Variants in RNF144A observed in about 807,000 individuals in gnomAD.
RNF144A encodes the protein ring finger protein 144A.
In RNF144A, 11 loss-of-function variants were observed where a neutral mutation model predicts 38.7. The observed-to-expected ratio is 0.28, with a 90% CI of 0.18 to 0.47. RNF144A has a LOEUF of 0.47. Among genes scored for constraint, RNF144A ranks in the 20% least tolerant of loss-of-function variants. The pLI is 0.99. For synonymous variants in RNF144A, 149 were observed against 143.9 expected (o/e 1.04, Z -0.25); for missense variants, 316 against 377.2 (o/e 0.84, Z 1.34).
intron 2 of RNF144A, among the ~76,000 whole-genome samples, chr2:6,955,307 T>C (rs1666932621): frequency 6.6e-6 from 1 of 152,142 alleles, no homozygotes; most frequent in African/African-American, 2.4e-5. Context: ...CGGCTTAGGC[T>C]CAGATGGGAA....
At chr2:7,068,349 A>C, downstream of RNF144A, 1 of 813,232 alleles carries the variant, frequency 1.2e-6, no homozygotes. Flanking sequence ...TGGCACCGTG[A>C]AACTTTATAG....
At chr2:7,060,319 G>T (rs6712224) in intron 6 of RNF144A, among the ~76,000 whole-genome samples, 1 of 150,912 alleles carries the variant, frequency 6.6e-6, no homozygotes, top group Non-Finnish European at 1.5e-5. Context: ...GGCATTCTGC[G>T]TTCCCAGAAA....
intron 7 of RNF144A, among the ~76,000 whole-genome samples, chr2:7,028,422 C>T (rs1672066834): frequency 6.6e-6 from 1 of 152,194 alleles, no homozygotes; most frequent in Admixed American, 6.5e-5. Context: ...TGGGCCCTGC[C>T]TCAGACCTCG....
intron 2 of RNF144A, among the ~76,000 whole-genome samples, chr2:6,979,859 C>A (rs1049054123): frequency 6.6e-6 from 1 of 152,162 alleles, no homozygotes; most frequent in Non-Finnish European, 1.5e-5. Flanking sequence ...TGTAATGATA[C>A]TACCTGAGAC....
At position 7,040,041 on chromosome 2, in the gene RNF144A, T is replaced by G; in HGVS notation, c.*281T>G. The G allele has an allele frequency of 8.7e-7, 1 of 1,151,290 alleles. No homozygotes were observed. Among genetic ancestry groups the G allele is most frequent in the South Asian group, 2.7e-5 (1 of 37,172 alleles). 71.3% of individuals were successfully genotyped at this position (1,151,290 alleles called of 1,614,324 possible). A position where few individuals can be genotyped will look rare whatever the true frequency, so the allele number is the denominator to read the frequency against. On this transcript the variant is annotated 3_prime_UTR_variant, in exon 9 of 9. Transcript: ENST00000320892. ...GCTGTGAGAAGTGCACCAGGCAGCT[T>G]TCTCTCTGTGGTAGACTAGGCATGT...
rs1665984117 is a variant in RNF144A, at chr2:6,941,599, C to G, written c.-12+452C>G. Among the ~76,000 whole-genome samples, 1 of 152,184 alleles carries G rather than the reference C, an allele frequency of 6.6e-6. No homozygotes were observed. The highest frequency in any genetic ancestry group is 6.5e-5 in the Admixed American group (1 of 15,284). ...GTAGGGACAGTCAGGAAGAGACAGA[C>G]AATTCTCATTTGACAGTAGCCGGAA... On this transcript the variant is annotated intron_variant, in intron 2 of 8. Coordinates refer to ENST00000320892, the MANE Select transcript of RNF144A (RefSeq NM_014746.6). The surrounding 1 kb of genome is among the most constrained non-coding windows in gnomAD (Gnocchi z 6.5).
chr2:7,013,319 G>A (rs1670933284), intron 3 of RNF144A, among the ~76,000 whole-genome samples: 1 of 152,182 alleles, frequency 6.6e-6, no homozygotes, highest in Admixed American at 6.5e-5. Flanking sequence ...GAGGTAGAAG[G>A]AATTGCAGTT....
chr2:6,999,915 A>G (rs899196452), intron 3 of RNF144A, among the ~76,000 whole-genome samples: 1 of 152,220 alleles, frequency 6.6e-6, no homozygotes, highest in Non-Finnish European at 1.5e-5. Flanking sequence ...ATCCTTGTCC[A>G]CATCCCCCAC....
At chr2:6,954,895 A>G (rs1666904339) in intron 2 of RNF144A, among the ~76,000 whole-genome samples, 1 of 152,192 alleles carries the variant, frequency 6.6e-6, no homozygotes, top group Non-Finnish European at 1.5e-5. Context: ...TAATGTTTTA[A>G]ACCTTATTTT....
chr2:7,052,463 TG>T (rs1673568573), intron 6 of RNF144A, among the ~76,000 whole-genome samples: 1 of 152,252 alleles, frequency 6.6e-6, no homozygotes, highest in Admixed American at 6.5e-5. Flanking sequence ...TGAGCTGTCC[TG>T]TGGCCTCCAA....
intron 5 of RNF144A, among the ~76,000 whole-genome samples, chr2:7,016,079 G>A (rs1671114950): frequency 1.3e-5 from 2 of 148,308 alleles, no homozygotes; most frequent in Admixed American, 1.3e-4. Context: ...AGTCCAGCCT[G>A]GGCAACATAT....
At chr2:7,048,321 G>A (rs1394471660), downstream of RNF144A, among the ~76,000 whole-genome samples, 3 of 152,182 alleles carry the variant, frequency 2.0e-5, no homozygotes, top group Non-Finnish European at 2.9e-5. Flanking sequence ...CAAACACTGC[G>A]CTTCCTGAAT....
chr2:6,939,102 G>A (rs767156460), intron 1 of RNF144A, among the ~76,000 whole-genome samples: 1 of 152,188 alleles, frequency 6.6e-6, no homozygotes, highest in African/African-American at 2.4e-5. Context: ...GTTTACCTAG[G>A]TGTGGAAATG....
At chr2:6,942,494 G>A (rs1417510012) in intron 2 of RNF144A, among the ~76,000 whole-genome samples, 1 of 152,252 alleles carries the variant, frequency 6.6e-6, no homozygotes, top group Non-Finnish European at 1.5e-5. Flanking sequence ...AGCAGTAGCA[G>A]CAGCAGCAGG....
At chr2:6,959,276 C>T (rs139945792) in intron 2 of RNF144A, among the ~76,000 whole-genome samples, 25 of 152,160 alleles carry the variant, frequency 1.6e-4, no homozygotes, top group Middle Eastern at 3.4e-3. Context: ...GGGGTATGGC[C>T]AGGAGTCAGA....
At chr2:6,920,564 C>G (rs1572181577) in intron 1 of RNF144A, among the ~76,000 whole-genome samples, 1 of 152,244 alleles carries the variant, frequency 6.6e-6, no homozygotes, top group South Asian at 2.1e-4. Context: ...CAAGGAACCC[C>G]TGGCTTCACA....
At chr2:6,975,846 A>G (rs1668278401) in intron 2 of RNF144A, among the ~76,000 whole-genome samples, 1 of 152,220 alleles carries the variant, frequency 6.6e-6, no homozygotes, top group Non-Finnish European at 1.5e-5. Flanking sequence ...AGAATCTTGG[A>G]TATCCATGCA....
chr2:7,063,316 G>A (rs1254237142), intron 6 of RNF144A, among the ~76,000 whole-genome samples: 1 of 152,178 alleles, frequency 6.6e-6, no homozygotes, highest in Admixed American at 6.5e-5. Flanking sequence ...GCAGCTCTCT[G>A]GATTTTGTCT....
At chr2:7,050,861 C>T (rs954175226) in intron 6 of RNF144A, among the ~76,000 whole-genome samples, 5 of 152,162 alleles carry the variant, frequency 3.3e-5, no homozygotes, top group Non-Finnish European at 5.9e-5. Flanking sequence ...GTGCTGGAAT[C>T]CCAGTGCTGT....
Sources: allele counts gnomAD v4.1 joint callset (sites outside exome capture counted in the v4.1 genomes callset), GRCh38; gene constraint gnomAD v4.1.1; non-coding constraint Gnocchi (gnomAD v3.1); transcripts MANE v1.5; gene names NCBI Gene and HGNC (gene_info 2026-07-23, HGNC 2026-07-21).